Variants in PRIM2 observed in about 807,000 individuals in gnomAD.
PRIM2 encodes DNA primase large subunit.
In PRIM2, 39 loss-of-function variants were observed where a neutral mutation model predicts 67.3. That is an observed-to-expected ratio of 0.58 (90% CI 0.45 to 0.76). The LOEUF (loss-of-function observed/expected upper bound fraction) is 0.76, where lower values mean the gene tolerates loss of function less well. PRIM2 is among the 30% of genes least tolerant of loss of function. The pLI is 0.00. For missense variants in PRIM2, 398 were observed against 598.7 expected (o/e 0.66, Z 3.50); for synonymous variants, 143 against 198.7 (o/e 0.72, Z 2.36).
intron 7 of PRIM2, among the ~76,000 whole-genome samples, chr6:57,438,229 C>T (rs1772078908): frequency 1.3e-5 from 2 of 151,982 alleles, no homozygotes; most frequent in Non-Finnish European, 2.9e-5. Flanking sequence ...AATATTGTAT[C>T]TGTGATGAGT....
intron 5 of PRIM2, among the ~76,000 whole-genome samples, chr6:57,350,915 G>A (rs1204765060): frequency 3.3e-5 from 5 of 151,680 alleles, no homozygotes; most frequent in African/African-American, 1.2e-4. Flanking sequence ...TCTTGATTCT[G>A]GTTTTACATT....
At chr6:57,453,393 C>T (rs1772630464) in intron 7 of PRIM2, among the ~76,000 whole-genome samples, 1 of 152,122 alleles carries the variant, frequency 6.6e-6, no homozygotes, top group Non-Finnish European at 1.5e-5. Flanking sequence ...GCCATTTTCA[C>T]AATATTGATT....
At chr6:57,583,320 C>G (rs1186705176) in intron 10 of PRIM2, among the ~76,000 whole-genome samples, 1 of 88,014 alleles carries the variant, frequency 1.1e-5, no homozygotes, top group East Asian at 4.4e-4. Flanking sequence ...CAATGCTATC[C>G]CTCCCCCCTC....
At chr6:57,622,882 C>T (rs1428008027) in intron 12 of PRIM2, among the ~76,000 whole-genome samples, 2 of 152,078 alleles carry the variant, frequency 1.3e-5, no homozygotes, top group Non-Finnish European at 2.9e-5. Context: ...GTTTAAAAGA[C>T]TTAAAAGTAA....
intron 10 of PRIM2, among the ~76,000 whole-genome samples, chr6:57,538,103 C>T (rs1775037848): frequency 6.6e-6 from 1 of 151,900 alleles, no homozygotes; most frequent in South Asian, 2.1e-4. Context: ...GCAGCCTCGA[C>T]CTTTGGGCTC....
intron 10 of PRIM2, among the ~76,000 whole-genome samples, chr6:57,561,377 G>A (rs1319251035): frequency 2.0e-5 from 3 of 152,118 alleles, no homozygotes; most frequent in Admixed American, 6.5e-5. Flanking sequence ...GACTACAGGC[G>A]CACGCCGCCA....
At chr6:57,625,830 G>A (rs1776941525) in intron 12 of PRIM2, among the ~76,000 whole-genome samples, 1 of 152,222 alleles carries the variant, frequency 6.6e-6, no homozygotes, top group African/African-American at 2.4e-5. Context: ...ACTTGGCCCT[G>A]ATCTGCCAGT....
intron 7 of PRIM2, among the ~76,000 whole-genome samples, chr6:57,444,808 T>C (rs933527048): frequency 5.3e-5 from 8 of 151,996 alleles, no homozygotes; most frequent in Non-Finnish European, 1.0e-4. Flanking sequence ...GGCTCCTCTC[T>C]GCATAGTATG....
At chr6:57,552,834 C>T (rs1384809139) in intron 10 of PRIM2, among the ~76,000 whole-genome samples, 3 of 152,004 alleles carry the variant, frequency 2.0e-5, no homozygotes, top group Non-Finnish European at 2.9e-5. Flanking sequence ...TTTTCTGCCC[C>T]TTCCTTTGGC....
the PRIM2 span, among the ~76,000 whole-genome samples, chr6:57,264,811 T>C: frequency 6.6e-6 from 1 of 152,124 alleles, no homozygotes; most frequent in Non-Finnish European, 1.5e-5. Context: ...TTGGCCAAGA[T>C]GGTTCCAATC....
chr6:57,339,597 C>A (rs1181396477), intron 5 of PRIM2, among the ~76,000 whole-genome samples: 8 of 152,190 alleles, frequency 5.3e-5, no homozygotes, highest in African/African-American at 1.7e-4. Flanking sequence ...GAAAAACAAG[C>A]AATGGGGAAA....
At chr6:57,338,371 A>G (rs1768343252) in intron 5 of PRIM2, among the ~76,000 whole-genome samples, 1 of 152,146 alleles carries the variant, frequency 6.6e-6, no homozygotes, top group African/African-American at 2.4e-5. Flanking sequence ...GGCCAGCATC[A>G]TCCTGATACC....
Position 57,639,390 on chromosome 6 carries a change from A to G in PRIM2, c.1300-6538A>G, listed in dbSNP as rs1373872029. Among the ~76,000 whole-genome samples the G allele has an allele frequency of 1.3e-4, 20 of 152,188 alleles. 1 individual carries two copies. Among genetic ancestry groups the G allele is most frequent in the Non-Finnish European group, 1.8e-4 (12 of 68,000 alleles). On this transcript the variant is annotated intron_variant, in intron 13 of 13. Transcript: ENST00000615550. Reference sequence around the variant, plus strand: ...TTCAAAAGCTAGCAGATGGCAAGAAATAACTAAGATCTGGGCAGAACTGAA... The same window carrying G: ...TTCAAAAGCTAGCAGATGGCAAGAAGTAACTAAGATCTGGGCAGAACTGAA...
chr6:57,566,745 G>A (rs1240349923), intron 10 of PRIM2, among the ~76,000 whole-genome samples: 5 of 152,150 alleles, frequency 3.3e-5, no homozygotes, highest in African/African-American at 9.7e-5. Context: ...AGGATAAGCC[G>A]CTTTCCTGTT....
At chr6:57,273,437 C>T in the PRIM2 span, among the ~76,000 whole-genome samples, 1,377 of 152,348 alleles carry the variant, frequency 9.0e-3, 26 homozygotes, top group African/African-American at 0.032. Flanking sequence ...GAGGCTTCTG[C>T]ATTCATCACA....
chr6:57,542,939 ATTTTT>A lies in PRIM2; in HGVS notation c.1020+5329_1020+5333del, dbSNP rs1193756482. On this transcript the variant is annotated intron_variant, in intron 10 of 13. Transcript: ENST00000615550. ...GTTGGCTTAAAATACTGCTTATAGG[ATTTTT>A]TTTTTTTTTTTTTTGAGACGGAGTC... Among the ~76,000 whole-genome samples the A allele has an allele frequency of 8.3e-4, 60 of 71,904 alleles. 2 individuals carry two copies. Among genetic ancestry groups the A allele is most frequent in the African/African-American group, 3.9e-3 (57 of 14,778 alleles). 47.2% of individuals were successfully genotyped at this position (71,904 alleles called of 152,430 possible).
chr6:57,232,603 C>G, the PRIM2 span, among the ~76,000 whole-genome samples: 1 of 152,042 alleles, frequency 6.6e-6, no homozygotes, highest in South Asian at 2.1e-4. Context: ...TACCAGGAAA[C>G]CAACCATCTT....
At chr6:57,586,341 G>C (rs1209510934) in intron 10 of PRIM2, among the ~76,000 whole-genome samples, 1 of 152,106 alleles carries the variant, frequency 6.6e-6, no homozygotes, top group African/African-American at 2.4e-5. Flanking sequence ...GAGGTGGTCT[G>C]TGTGTGGTTG....
At chr6:57,295,640 C>A in the PRIM2 span, among the ~76,000 whole-genome samples, 1 of 152,126 alleles carries the variant, frequency 6.6e-6, no homozygotes, top group Non-Finnish European at 1.5e-5. Context: ...ATACAAATTT[C>A]CCAGGTACTA....
Sources: gnomAD v4.1 joint callset for allele counts (sites outside exome capture counted in the v4.1 genomes callset) on GRCh38, gnomAD v4.1.1 for gene constraint, MANE v1.5 for transcripts, NCBI Gene and HGNC (gene_info 2026-07-23, HGNC 2026-07-21) for gene names.